Variants in STAM2 observed in about 807,000 individuals in gnomAD.
STAM2 encodes the protein signal transducing adapter molecule 2.
STAM2 carries 51 observed loss-of-function variants against 65.6 expected under a neutral mutation model. The ratio of observed to expected loss-of-function variants is 0.78; its 90% CI spans 0.62 to 0.98. The LOEUF (loss-of-function observed/expected upper bound fraction) is 0.98. Ranked by LOEUF, STAM2 falls within the 50% of genes least tolerant of loss-of-function variation. The probability of loss-of-function intolerance (pLI) is 0.00; values close to 1 mark genes in which losing one functional copy is unlikely to be tolerated. For synonymous variants in STAM2, 198 were observed against 208.4 expected, an observed-to-expected ratio of 0.95 and a Z score of 0.43; for missense variants, 584 against 617.8, an observed-to-expected ratio of 0.95 and a Z score of 0.58.
At chr2:152,125,622 T>C (rs928791156) in intron 12 of STAM2, among the ~76,000 whole-genome samples, 8 of 152,218 alleles carry the variant, frequency 5.3e-5, no homozygotes, top group Non-Finnish European at 7.3e-5. Flanking sequence ...TGGATGTTCA[T>C]GGATGGCTTA....
rs1195809479 is a variant in STAM2 at position 152,118,539 on chromosome 2, T to A, written c.*2035A>T. 6.6e-6 allele frequency: 1 copy of A among 151,164 alleles called. No individual in the cohort carries two copies. Among genetic ancestry groups the A allele is most frequent in the Non-Finnish European group, 1.5e-5 (1 of 67,772 alleles). The allele number at this position is 151,164 out of a possible 1,614,324, so 9.4% of individuals were successfully genotyped here. ...TTTAGTGGGTGTGCAGTAATTATATTGGCTCAAAGACATGCTGAATTAAAC... is the reference window on the plus strand; with the variant it reads ...TTTAGTGGGTGTGCAGTAATTATATAGGCTCAAAGACATGCTGAATTAAAC... On this transcript the variant is annotated 3_prime_UTR_variant, in exon 14 of 14. Coordinates refer to ENST00000263904, the MANE Select transcript of STAM2 (RefSeq NM_005843.6).
At chr2:152,125,259 T>G (rs539938662) in intron 12 of STAM2, among the ~76,000 whole-genome samples, 1 of 152,330 alleles carries the variant, frequency 6.6e-6, no homozygotes, top group Admixed American at 6.5e-5. Context: ...CCTACCCTCC[T>G]AATTTTCAAA....
At chr2:152,154,678 C>A (rs1459444184) in intron 1 of STAM2, among the ~76,000 whole-genome samples, 1 of 152,142 alleles carries the variant, frequency 6.6e-6, no homozygotes, top group Non-Finnish European at 1.5e-5. Flanking sequence ...TCCCTTCTCA[C>A]AAAGGAAACC....
chr2:152,138,041 T>C (rs868759183), intron 7 of STAM2, among the ~76,000 whole-genome samples: 1 of 152,174 alleles, frequency 6.6e-6, no homozygotes, highest in Non-Finnish European at 1.5e-5. Flanking sequence ...CTCTTTCTCA[T>C]TTATTGCACA....
intron 11 of STAM2, among the ~76,000 whole-genome samples, chr2:152,131,376 C>T (rs11673722): frequency 2.6e-5 from 4 of 151,952 alleles, no homozygotes; most frequent in African/African-American, 4.8e-5. Flanking sequence ...TTGCTTGAAC[C>T]GGGGAGGCAG....
At chr2:152,148,373 T>A in intron 2 of STAM2, 73 bp from the exon 3 acceptor site, 1 of 1,221,314 alleles carries the variant, frequency 8.2e-7, no homozygotes, top group Non-Finnish European at 1.2e-6. Flanking sequence ...AAGGTATTAT[T>A]CTATTACCAA....
At position 152,120,640 on chromosome 2, in the gene STAM2, CG is replaced by C; in HGVS notation, c.1511del (p.Pro504ArgfsTer2). On this transcript the variant is annotated frameshift_variant, in exon 14 of 14. Coordinates refer to ENST00000263904, the MANE Select transcript of STAM2 (RefSeq NM_005843.6). LOFTEE classifies it high-confidence loss of function. ...TSNLPQLAGF[P>X]VTVPAHPVAQ... ...CAACTGGATGAGCTGGAACTGTCAC[CG>C]GAAAGCCTGCCAGTTGAGGCAAATT... is the stretch of plus-strand genomic sequence containing the variant. 1 of 1,614,030 alleles carries C rather than the reference CG, an allele frequency of 6.2e-7. No individual in the cohort carries two copies. Among genetic ancestry groups the C allele is most frequent in the African/African-American group, 1.3e-5 (1 of 74,996 alleles).
At chr2:152,148,693 AC>A (rs1481289637) in intron 2 of STAM2, among the ~76,000 whole-genome samples, 1 of 152,110 alleles carries the variant, frequency 6.6e-6, no homozygotes, top group Non-Finnish European at 1.5e-5. Context: ...AATAAACTAA[AC>A]TAAAATCCTG....
rs748428067 is a variant in STAM2 at position 152,144,947 on chromosome 2, G to C, written c.458C>G (p.Ala153Gly). Residue 153 changes from alanine to glycine, a missense_variant, in exon 6 of 14, where the codon GCT becomes GGT. Transcript: ENST00000263904. ...FPPAGSQTVSAAAKNGTSSNK... is the reference protein window; with the variant it reads ...FPPAGSQTVSGAAKNGTSSNK... ...CGATGACGTACCATTCTTGGCAGCA[G>C]CTGAGACAGTCTGTAAATGTATGAG... 6.2e-7 allele frequency: 1 copy of C among 1,613,340 alleles called. No homozygotes were observed. Among genetic ancestry groups the C allele is most frequent in the South Asian group, 1.1e-5 (1 of 91,040 alleles).
At chr2:152,142,705 A>G (rs1282799203) in intron 7 of STAM2, among the ~76,000 whole-genome samples, 3 of 152,202 alleles carry the variant, frequency 2.0e-5, no homozygotes, top group Non-Finnish European at 4.4e-5. Flanking sequence ...GGCTAATATA[A>G]GTTGAGAAAC....
chr2:152,156,429 G>A (rs1689547776), intron 1 of STAM2, among the ~76,000 whole-genome samples: 1 of 152,082 alleles, frequency 6.6e-6, no homozygotes, highest in South Asian at 2.1e-4. Context: ...TTCTTTTATA[G>A]CATGTCACTT....
At chr2:152,155,060 T>C (rs1449278467) in intron 1 of STAM2, among the ~76,000 whole-genome samples, 3 of 152,230 alleles carry the variant, frequency 2.0e-5, no homozygotes, top group Non-Finnish European at 2.9e-5. Context: ...GTTTAGCATC[T>C]GTCTTTGCCA....
At chr2:152,152,032 C>T (rs767617532) in intron 1 of STAM2, among the ~76,000 whole-genome samples, 14 of 151,998 alleles carry the variant, frequency 9.2e-5, no homozygotes, top group African/African-American at 2.2e-4. Flanking sequence ...CTTTATCTCC[C>T]GGGGCTCACG....
Position 152,148,322 on chromosome 2 carries a change from G to C in STAM2, c.126-22C>G, listed in dbSNP as rs148553953. The C allele has an allele frequency of 7.5e-5, 115 of 1,530,796 alleles. No individual in the cohort carries two copies. The African/African-American group carries it at 1.3e-3, about 17-fold the overall frequency. 94.8% of individuals were successfully genotyped at this position (1,530,796 alleles called of 1,614,324 possible). A position where few individuals can be genotyped will look rare whatever the true frequency, so the allele number is the denominator to read the frequency against. On this transcript the variant is annotated intron_variant, in intron 2 of 13. Transcript: ENST00000263904. The stretch of plus-strand genomic sequence containing the variant: ...CGCTCTAAAAAAAAAAAGAGAGAGA[G>C]AGACAGTTAAGTATTTACTGATAAA...
At chr2:152,173,414 T>C (rs1002830602) in intron 1 of STAM2, among the ~76,000 whole-genome samples, 3 of 102,124 alleles carry the variant, frequency 2.9e-5, no homozygotes, top group Admixed American at 1.2e-4. Flanking sequence ...ATATTTTTTT[T>C]CGAGACGGAG....
intron 12 of STAM2, 45 bp downstream of exon 12, chr2:152,126,181 A>C (rs767334371): frequency 6.7e-7 from 1 of 1,495,898 alleles, no homozygotes; most frequent in Admixed American, 2.3e-5. Context: ...TTTACTTTTA[A>C]AAGTTGTTTA....
rs569172055 is a variant in STAM2 at position 152,119,092 on chromosome 2, C to A, written c.*1482G>T. 29 of 151,784 alleles carry A rather than the reference C, an allele frequency of 1.9e-4. No homozygotes were observed. The highest frequency in any genetic ancestry group is 2.8e-4 in the Non-Finnish European group (19 of 67,944). The allele number at this position is 151,784 out of a possible 1,614,324, so 9.4% of individuals were successfully genotyped here. ...AGAATGACTGCTTCCTTTAAAAAAA[C>A]AAATATAGAAATCTTGCTTCCACGT... On this transcript the variant is annotated 3_prime_UTR_variant, in exon 14 of 14. Transcript: ENST00000263904.
At chr2:152,140,726 G>A (rs924857280) in intron 7 of STAM2, among the ~76,000 whole-genome samples, 1 of 152,188 alleles carries the variant, frequency 6.6e-6, no homozygotes, top group East Asian at 1.9e-4. Context: ...TCCTTCAGCA[G>A]GGCTTTCCAG....
chr2:152,159,205 C>G (rs1403879459), intron 1 of STAM2, among the ~76,000 whole-genome samples: 1 of 150,454 alleles, frequency 6.6e-6, no homozygotes, highest in African/African-American at 2.5e-5. Flanking sequence ...ACTTGAGAGG[C>G]TGGGGTGGGA....
Sources: allele counts gnomAD v4.1 joint callset (sites outside exome capture counted in the v4.1 genomes callset), GRCh38; gene constraint gnomAD v4.1.1; transcripts MANE v1.5; gene names NCBI Gene and HGNC (gene_info 2026-07-23, HGNC 2026-07-21).